The following CARMIL1 variants were observed in gnomAD, a reference collection of about 807,000 sequenced individuals.
The protein encoded by CARMIL1 is F-actin-uncapping protein LRRC16A.
CARMIL1 carries 90 observed loss-of-function variants against 177.1 expected under a neutral mutation model. The ratio of observed to expected loss-of-function variants is 0.51; its 90% confidence interval spans 0.43 to 0.61. The LOEUF (loss-of-function observed/expected upper bound fraction) is 0.61, where lower values mean the gene tolerates loss of function less well. Ranked by LOEUF, CARMIL1 falls within the 20% of genes least tolerant of loss-of-function variation. The pLI is 0.00. For synonymous variants in CARMIL1, 577 were observed against 606.2 expected (o/e 0.95, Z 0.71); for missense variants, 1,380 against 1,667.0 (o/e 0.83, Z 3.00).
chr6:25,564,089 A>C (rs1003643115), intron 29 of CARMIL1, among the ~76,000 whole-genome samples: 2 of 152,242 alleles, frequency 1.3e-5, no homozygotes, highest in Non-Finnish European at 2.9e-5. Flanking sequence ...TTATACATAC[A>C]TGCATGTGTA....
chr6:25,315,654 G>T (rs1420241082), intron 2 of CARMIL1, among the ~76,000 whole-genome samples: 2 of 152,170 alleles, frequency 1.3e-5, no homozygotes, highest in Admixed American at 6.5e-5. Flanking sequence ...ATGACAAAAT[G>T]CATTCTTAGT....
intron 2 of CARMIL1, among the ~76,000 whole-genome samples, chr6:25,410,327 C>G (rs941654154): frequency 5.9e-5 from 9 of 152,154 alleles, no homozygotes; most frequent in African/African-American, 2.2e-4. Context: ...AATAGACTTA[C>G]AGTAAAAGAA....
chr6:25,382,359 G>A (rs954057259), intron 2 of CARMIL1, among the ~76,000 whole-genome samples: 3 of 152,184 alleles, frequency 2.0e-5, no homozygotes, highest in African/African-American at 7.2e-5. Context: ...GTTCCTTCCA[G>A]TGGGTTCTTG....
At chr6:25,457,048 G>C (rs1799598745) in intron 8 of CARMIL1, among the ~76,000 whole-genome samples, 2 of 151,290 alleles carry the variant, frequency 1.3e-5, no homozygotes. Context: ...AGTGGAATCA[G>C]ATGTGAACAG....
At chr6:25,482,124 A>C in intron 11 of CARMIL1, 133 bp from the exon 12 acceptor site, 3 of 610,628 alleles carry the variant, frequency 4.9e-6, no homozygotes, top group Non-Finnish European at 8.6e-6. Flanking sequence ...AATGTTTAGA[A>C]AACAAAGTCT....
chr6:25,425,790 T>G (rs541939823), intron 3 of CARMIL1, among the ~76,000 whole-genome samples: 1 of 152,232 alleles, frequency 6.6e-6, no homozygotes, highest in African/African-American at 2.4e-5. Flanking sequence ...AGAGGACTTT[T>G]GTTTAACTCT....
At chr6:25,452,082 G>C (rs964393557) in intron 8 of CARMIL1, 1 of 727,152 alleles carries the variant, frequency 1.4e-6, no homozygotes, top group African/African-American at 1.8e-5. Flanking sequence ...AAGAGCTCTA[G>C]CCAACTGAAT....
intron 2 of CARMIL1, among the ~76,000 whole-genome samples, chr6:25,352,737 C>T (rs1370271364): frequency 6.6e-6 from 1 of 152,152 alleles, no homozygotes; most frequent in East Asian, 1.9e-4. Context: ...CTTCCTGCTA[C>T]TTTGCTTGGC....
Position 25,550,630 on chromosome 6 carries a change from G to T in CARMIL1, c.2329-280G>T, listed in dbSNP as rs767337874. Among the ~76,000 whole-genome samples the T allele has an allele frequency of 4.6e-5, 7 of 152,138 alleles. No homozygotes were observed. Among genetic ancestry groups the T allele is most frequent in the Non-Finnish European group, 8.8e-5 (6 of 68,026 alleles). ...TTTTAATCTTCTCGTTAATGGCTTT[G>T]TGTTAAGTACAGCTGACACGCCATA... On this transcript the variant is annotated intron_variant, in intron 26 of 36. Transcript: ENST00000329474.
Position 25,450,666 on chromosome 6 carries a change from A to C in CARMIL1, c.569A>C (p.Asp190Ala). The change falls in exon 8 of 37, where the codon GAC becomes GCC. Residue 190 changes from aspartate (D) to alanine (A), a missense_variant. Transcript: ENST00000329474. ...WDVDTIYLTQ[D>A]TRELNLQDFS... is the part of the protein sequence containing the mutation. ...GTGGATACAATTTATCTTACCCAAG[A>C]CACCAGGGAATTGAATTTACAAGAT... 6.2e-7 allele frequency: 1 copy of C among 1,605,698 alleles called. No individual in the cohort carries two copies. Among genetic ancestry groups the C allele is most frequent in the Non-Finnish European group, 8.5e-7 (1 of 1,174,560 alleles).
At chr6:25,371,198 A>G (rs1013253019) in intron 2 of CARMIL1, among the ~76,000 whole-genome samples, 19 of 152,158 alleles carry the variant, frequency 1.2e-4, no homozygotes, top group African/African-American at 4.1e-4. Flanking sequence ...TATCTTTGCA[A>G]TTGTGAATGG....
At chr6:25,397,949 A>T (rs533617150) in intron 2 of CARMIL1, among the ~76,000 whole-genome samples, 26 of 152,288 alleles carry the variant, frequency 1.7e-4, no homozygotes, top group South Asian at 1.2e-3. Flanking sequence ...GTGCATGTGC[A>T]TGCAGTGAGG....
intron 29 of CARMIL1, among the ~76,000 whole-genome samples, chr6:25,561,861 C>G (rs1811150661): frequency 6.6e-6 from 1 of 152,034 alleles, no homozygotes; most frequent in Non-Finnish European, 1.5e-5. Flanking sequence ...ATGTCTTTTT[C>G]TTACTGATAT....
chr6:25,437,045 T>G (rs940745018), intron 5 of CARMIL1, among the ~76,000 whole-genome samples: 2 of 152,128 alleles, frequency 1.3e-5, no homozygotes, highest in African/African-American at 4.8e-5. Context: ...AAGCAAAACC[T>G]TAGGAATGGG....
At chr6:25,604,775 G>T in intron 33 of CARMIL1, 37 bp from the exon 34 acceptor site, 12 of 1,468,050 alleles carry the variant, frequency 8.2e-6, no homozygotes, top group Non-Finnish European at 1.1e-5. Context: ...TTAAATAAAT[G>T]TGCACTTTTT....
At chr6:25,419,581 G>C (rs888707628) in intron 2 of CARMIL1, among the ~76,000 whole-genome samples, 1 of 152,210 alleles carries the variant, frequency 6.6e-6, no homozygotes, top group Non-Finnish European at 1.5e-5. Flanking sequence ...GACTGAGAGA[G>C]GCACAGCTGA....
intron 33 of CARMIL1, among the ~76,000 whole-genome samples, chr6:25,602,570 G>A (rs1280809567): frequency 2.6e-5 from 4 of 152,108 alleles, no homozygotes; most frequent in South Asian, 2.1e-4. Context: ...TGATCTGTTA[G>A]CGCCATCTAG....
At chr6:25,452,479 C>A in intron 8 of CARMIL1, 1 of 371,118 alleles carries the variant, frequency 2.7e-6, no homozygotes, top group South Asian at 6.8e-5. Context: ...TAAAAATGAT[C>A]GATCTTTGGT....
At chr6:25,520,397 C>G (rs1806428486) in intron 23 of CARMIL1, 60 bp downstream of exon 23, 1 of 922,572 alleles carries the variant, frequency 1.1e-6, no homozygotes, top group Non-Finnish European at 1.7e-6. Flanking sequence ...GGTTATGTTC[C>G]TGAACTTATA....
Sources: allele counts gnomAD v4.1 joint callset (sites outside exome capture counted in the v4.1 genomes callset), GRCh38; gene constraint gnomAD v4.1.1; transcripts MANE v1.5; gene names NCBI Gene and HGNC (gene_info 2026-07-23, HGNC 2026-07-21).